Variants in WWTR1 observed in about 807,000 individuals in gnomAD.
WWTR1 encodes WW domain-containing transcription regulator protein 1.
A neutral mutation model predicts 40.1 loss-of-function variants in WWTR1; 13 were observed. That is an observed-to-expected ratio of 0.32 (90% CI 0.21 to 0.52). WWTR1 has a LOEUF of 0.52. Ranked by LOEUF, WWTR1 falls within the 20% of genes least tolerant of loss-of-function variation. The probability of loss-of-function intolerance (pLI) is 0.97; values close to 1 mark genes in which losing one functional copy is unlikely to be tolerated. For synonymous variants in WWTR1, 230 were observed against 210.1 expected, an observed-to-expected ratio of 1.09 and a Z score of -0.82; for missense variants, 436 against 523.1, an observed-to-expected ratio of 0.83 and a Z score of 1.63.
chr3:149,665,686 C>T (rs745793248), intron 2 of WWTR1, among the ~76,000 whole-genome samples: 9 of 151,486 alleles, frequency 5.9e-5, no homozygotes, highest in East Asian at 1.9e-4. Context: ...AGAAAAATTA[C>T]GAAACAAAGA....
intron 2 of WWTR1, among the ~76,000 whole-genome samples, chr3:149,612,070 C>A (rs1739759915): frequency 6.6e-6 from 1 of 152,146 alleles, no homozygotes. Context: ...CTGGATTCTC[C>A]AACCCATCTC....
intron 5 of WWTR1, among the ~76,000 whole-genome samples, chr3:149,711,698 C>A (rs7613813): frequency 0.35 from 52,826 of 152,030 alleles, 9,426 homozygotes; most frequent in African/African-American, 0.42. Flanking sequence ...TCAGCAGATT[C>A]AATTGCCCAG....
chr3:149,550,286 C>T (rs1736556379), intron 3 of WWTR1, among the ~76,000 whole-genome samples: 1 of 152,132 alleles, frequency 6.6e-6, no homozygotes. Context: ...TTTTAAATTG[C>T]TTCTAGAAGT....
chr3:149,689,380 CAAAAAA>C (rs3044083), intron 1 of WWTR1, among the ~76,000 whole-genome samples: 12 of 36,710 alleles, frequency 3.3e-4, no homozygotes, highest in Non-Finnish European at 4.9e-4. Context: ...GAACCTATCT[CAAAAAA>C]AAAAAAAAAA....
Position 149,657,329 on chromosome 3 carries a change from T to G in WWTR1, c.-3-20A>C. On this transcript the variant is annotated intron_variant, in intron 1 of 6. Transcript: ENST00000360632. ...CATCTTCTGCAAAAAGAAGGTCAGATCAGCCTTTTATTTAAAGTCGGAGGA... is the reference window on the plus strand; with the variant it reads ...CATCTTCTGCAAAAAGAAGGTCAGAGCAGCCTTTTATTTAAAGTCGGAGGA... 6.3e-7 allele frequency: 1 copy of G among 1,596,570 alleles called. No homozygotes were observed. The highest frequency in any genetic ancestry group is 8.5e-7 in the Non-Finnish European group (1 of 1,170,920).
intron 2 of WWTR1, among the ~76,000 whole-genome samples, chr3:149,629,425 A>ATGT (rs1711500614): frequency 6.6e-6 from 1 of 152,236 alleles, no homozygotes; most frequent in Non-Finnish European, 1.5e-5. Flanking sequence ...ACGCTGGGGA[A>ATGT]TCTGCTAAGC....
chr3:149,620,119 G>T (rs755663826), intron 2 of WWTR1, among the ~76,000 whole-genome samples: 1 of 152,094 alleles, frequency 6.6e-6, no homozygotes, highest in Admixed American at 6.6e-5. Context: ...AGGTGTTTTC[G>T]TATCATCTCA....
chr3:149,681,158 A>G (rs1714449227), intron 1 of WWTR1, among the ~76,000 whole-genome samples: 1 of 152,220 alleles, frequency 6.6e-6, no homozygotes, highest in African/African-American at 2.4e-5. Flanking sequence ...ATTTTCTCTA[A>G]CTTCGGGTTG....
intron 3 of WWTR1, among the ~76,000 whole-genome samples, chr3:149,543,580 CAAAAAAA>C (rs755442408): frequency 9.6e-5 from 3 of 31,226 alleles, no homozygotes; most frequent in African/African-American, 2.2e-4. Flanking sequence ...GACTCTGTCT[CAAAAAAA>C]AAAAAAAAAA....
At chr3:149,612,779 G>A (rs949199411) in intron 2 of WWTR1, among the ~76,000 whole-genome samples, 6 of 152,110 alleles carry the variant, frequency 3.9e-5, no homozygotes, top group East Asian at 3.8e-4. Flanking sequence ...CACTCGTCAC[G>A]TCTGTATAAA....
intron 4 of WWTR1, chr3:149,540,947 A>C (rs1331472291): frequency 4.5e-6 from 2 of 446,494 alleles, no homozygotes; most frequent in African/African-American, 4.0e-5. Context: ...GAAATACATT[A>C]TTCATTCATG....
chr3:149,592,986 T>C (rs963486293), intron 2 of WWTR1, among the ~76,000 whole-genome samples: 1 of 151,954 alleles, frequency 6.6e-6, no homozygotes, highest in African/African-American at 2.4e-5. Flanking sequence ...TAGATTCCTA[T>C]CCCTGCTAAA....
At chr3:149,546,441 A>G (rs1736369635) in intron 3 of WWTR1, among the ~76,000 whole-genome samples, 1 of 152,214 alleles carries the variant, frequency 6.6e-6, no homozygotes, top group African/African-American at 2.4e-5. Context: ...CCAGAAGGGG[A>G]AAAACCCAAA....
chr3:149,678,117 T>C (rs564082897), intron 1 of WWTR1, among the ~76,000 whole-genome samples: 2 of 152,158 alleles, frequency 1.3e-5, no homozygotes, highest in Non-Finnish European at 2.9e-5. Context: ...CCTAACATCA[T>C]TGGCAAATGT....
At chr3:149,601,396 C>A (rs1279704156) in intron 2 of WWTR1, among the ~76,000 whole-genome samples, 1 of 152,162 alleles carries the variant, frequency 6.6e-6, no homozygotes, top group Non-Finnish European at 1.5e-5. Context: ...GGGGGCTTCA[C>A]TGTGTTGGCC....
At chr3:149,664,987 C>A (rs746315909) in intron 2 of WWTR1, among the ~76,000 whole-genome samples, 9 of 151,960 alleles carry the variant, frequency 5.9e-5, no homozygotes, top group Non-Finnish European at 1.3e-4. Flanking sequence ...AACTTCAGTA[C>A]CTTATGTAAG....
At chr3:149,573,533 T>A (rs1044263845) in intron 2 of WWTR1, among the ~76,000 whole-genome samples, 1 of 152,172 alleles carries the variant, frequency 6.6e-6, no homozygotes, top group Non-Finnish European at 1.5e-5. Context: ...GTAAGGTATT[T>A]CAAGGTCCCC....
intron 5 of WWTR1, among the ~76,000 whole-genome samples, chr3:149,717,013 T>C (rs892481430): frequency 6.6e-6 from 1 of 151,950 alleles, no homozygotes; most frequent in African/African-American, 2.4e-5. Context: ...CCTGTCTCTA[T>C]AAAAAATAAA....
At chr3:149,615,446 TG>T (rs1412527672) in intron 2 of WWTR1, among the ~76,000 whole-genome samples, 1 of 152,208 alleles carries the variant, frequency 6.6e-6, no homozygotes, top group Non-Finnish European at 1.5e-5. Flanking sequence ...AATGGCAGAA[TG>T]TGGACGATTG....
Sources: allele counts gnomAD v4.1 joint callset (sites outside exome capture counted in the v4.1 genomes callset), GRCh38; gene constraint gnomAD v4.1.1; transcripts MANE v1.5; gene names NCBI Gene and HGNC (gene_info 2026-07-23, HGNC 2026-07-21).